Variants in CDC42BPA observed in about 807,000 individuals in gnomAD.
CDC42BPA encodes the protein serine/threonine-protein kinase MRCK alpha.
In CDC42BPA, 80 loss-of-function variants were observed where a neutral mutation model predicts 223.5. That is an observed-to-expected ratio of 0.36 (90% CI 0.30 to 0.43). The LOEUF (loss-of-function observed/expected upper bound fraction) is 0.43, where lower values mean the gene tolerates loss of function less well. Among genes scored for constraint, CDC42BPA ranks in the 20% least tolerant of loss-of-function variants. The probability of loss-of-function intolerance (pLI) is 1.00; values close to 1 mark genes in which losing one functional copy is unlikely to be tolerated. For missense variants in CDC42BPA, 1,743 were observed against 2,099.9 expected (o/e 0.83, Z 3.32); for synonymous variants, 694 against 718.6 (o/e 0.97, Z 0.55).
intron 2 of CDC42BPA, among the ~76,000 whole-genome samples, chr1:227,250,101 G>A (rs909287721): frequency 7.2e-5 from 11 of 152,074 alleles, no homozygotes; most frequent in Admixed American, 1.3e-4. Flanking sequence ...TTTCCATGAT[G>A]CAATTATTAA....
At chr1:227,253,973 CAAGT>C in intron 2 of CDC42BPA, 87 bp downstream of exon 2, 1 of 762,060 alleles carries the variant, frequency 1.3e-6, no homozygotes, top group South Asian at 1.5e-5. Context: ...TAACAAGTAA[CAAGT>C]AACAATACTT....
intron 21 of CDC42BPA, among the ~76,000 whole-genome samples, chr1:227,067,703 CTT>C (rs1558420200): frequency 6.6e-6 from 1 of 152,084 alleles, no homozygotes; most frequent in Non-Finnish European, 1.5e-5. Context: ...TTCAAAATCA[CTT>C]TTTTGTTCAA....
chr1:227,280,737 G>A (rs939653807), intron 1 of CDC42BPA, among the ~76,000 whole-genome samples: 7 of 152,092 alleles, frequency 4.6e-5, no homozygotes, highest in Admixed American at 1.3e-4. Context: ...TTGACTCTCC[G>A]GTATAAATGA....
At chr1:227,275,466 C>T (rs1686775835) in intron 1 of CDC42BPA, among the ~76,000 whole-genome samples, 1 of 151,798 alleles carries the variant, frequency 6.6e-6, no homozygotes, top group African/African-American at 2.4e-5. Flanking sequence ...ATTAAAACAA[C>T]TATTAAATAG....
chr1:227,094,001 A>T (rs1005245469), intron 15 of CDC42BPA, among the ~76,000 whole-genome samples: 1 of 152,168 alleles, frequency 6.6e-6, no homozygotes, highest in Admixed American at 6.5e-5. Flanking sequence ...GTTACATCAA[A>T]AAGGGAGGCC....
chr1:227,215,911 CCA>C (rs1674740796), intron 2 of CDC42BPA, among the ~76,000 whole-genome samples: 1 of 152,136 alleles, frequency 6.6e-6, no homozygotes, highest in Non-Finnish European at 1.5e-5. Context: ...ACAATATTCA[CCA>C]CAGTGTGGTT....
intron 5 of CDC42BPA, among the ~76,000 whole-genome samples, chr1:227,192,804 C>A (rs1669934133): frequency 6.9e-6 from 1 of 144,560 alleles, no homozygotes; most frequent in Non-Finnish European, 1.5e-5. Flanking sequence ...TTATCACTTT[C>A]ATACAAAAAA....
intron 14 of CDC42BPA, among the ~76,000 whole-genome samples, chr1:227,109,576 G>T (rs1686558572): frequency 6.6e-6 from 1 of 151,992 alleles, no homozygotes; most frequent in African/African-American, 2.4e-5. Context: ...ATGTTGGCCA[G>T]GCTGGTCTCA....
intron 2 of CDC42BPA, among the ~76,000 whole-genome samples, chr1:227,222,416 T>C (rs934355961): frequency 6.7e-6 from 1 of 149,652 alleles, no homozygotes; most frequent in Non-Finnish European, 1.5e-5. Context: ...TGAGGAAGGC[T>C]TGAACCCGGG....
In CDC42BPA at chr1:226,991,156, A is replaced by G. The variant is rs895187500; in HGVS notation, c.*3112T>C. ...ATGATTAGTCAGAATTTGAGGGTAG[A>G]TAACTTGGCTGGACATAGATAGCAC... On this transcript the variant is annotated 3_prime_UTR_variant, in exon 37 of 37. Transcript: ENST00000366766. 6.5e-6 allele frequency: 1 copy of G among 152,676 alleles called. No individual in the cohort carries two copies. The highest frequency in any genetic ancestry group is 2.4e-5 in the African/African-American group (1 of 41,464). The allele number at this position is 152,676 out of a possible 1,614,324, so 9.5% of individuals were successfully genotyped here. A position where few individuals can be genotyped will look rare whatever the true frequency, so the allele number is the denominator to read the frequency against.
Position 227,317,836 on chromosome 1 carries a change from T to C in CDC42BPA, c.-654A>G, listed in dbSNP as rs1378031174. Reference sequence around the variant, plus strand: ...CGCCAAGTCTTGCCCGGAGGCGGCTTTTCGTTTCTCCTCCCGAGGTCCTTC... The same window carrying C: ...CGCCAAGTCTTGCCCGGAGGCGGCTCTTCGTTTCTCCTCCCGAGGTCCTTC... On this transcript the variant is annotated 5_prime_UTR_variant, in exon 1 of 37. Transcript: ENST00000366766. The C allele has an allele frequency of 2.5e-6, 1 of 398,562 alleles. No homozygotes were observed. Among genetic ancestry groups the C allele is most frequent in the Non-Finnish European group, 4.4e-6 (1 of 226,086 alleles). The allele number at this position is 398,562 out of a possible 1,614,324, so 24.7% of individuals were successfully genotyped here.
Position 227,047,914 on chromosome 1 carries a change from C to G in CDC42BPA, c.3093+13G>C. On this transcript the variant is annotated intron_variant, in intron 23 of 36. Coordinates refer to ENST00000366766, the MANE Select transcript of CDC42BPA (RefSeq NM_001394014.1). The stretch of plus-strand genomic sequence containing the variant: ...TTTTTGGAACACACTATGCTTATAA[C>G]TAGATTGAGTACCTTAGGTGGAAAG... The G allele has an allele frequency of 6.5e-7, 1 of 1,531,500 alleles. No individual in the cohort carries two copies. The highest frequency in any genetic ancestry group is 9.0e-7 in the Non-Finnish European group (1 of 1,106,516). The allele number at this position is 1,531,500 out of a possible 1,614,324, so 94.9% of individuals were successfully genotyped here.
chr1:227,147,220 CTATT>C (rs1459875237), intron 7 of CDC42BPA, 135 bp downstream of exon 7: 3 of 552,946 alleles, frequency 5.4e-6, no homozygotes, highest in East Asian at 3.0e-5. Flanking sequence ...TGGATTTTGA[CTATT>C]TATGTTGTCC....
chr1:227,234,896 A>C (rs1678709401), intron 2 of CDC42BPA: 1 of 149,914 alleles, frequency 6.7e-6, no homozygotes, highest in Non-Finnish European at 1.5e-5. Flanking sequence ...TTCTTAAAAC[A>C]GTATGAGATT....
intron 17 of CDC42BPA, among the ~76,000 whole-genome samples, chr1:227,080,692 T>TA (rs1310303184): frequency 2.6e-5 from 4 of 152,184 alleles, no homozygotes; most frequent in Non-Finnish European, 5.9e-5. Context: ...GGACATTTGT[T>TA]AGAGTTAGGG....
chr1:227,041,800 G>A (rs1671431177), intron 23 of CDC42BPA, among the ~76,000 whole-genome samples: 1 of 152,086 alleles, frequency 6.6e-6, no homozygotes, highest in Non-Finnish European at 1.5e-5. Flanking sequence ...TTGACTCTAA[G>A]TAGAACACAG....
intron 21 of CDC42BPA, among the ~76,000 whole-genome samples, chr1:227,064,714 A>G (rs1438951645): frequency 1.3e-5 from 2 of 149,024 alleles, no homozygotes; most frequent in Non-Finnish European, 1.5e-5. Flanking sequence ...GGATCTTGGT[A>G]TCTCTGTTCT....
intron 4 of CDC42BPA, 128 bp downstream of exon 4, chr1:227,199,429 C>A: frequency 1.8e-6 from 1 of 557,376 alleles, no homozygotes; most frequent in Non-Finnish European, 3.1e-6. Context: ...ATCAAGTGAA[C>A]AACTTACCCT....
At chr1:227,209,743 G>C (rs950540915) in intron 3 of CDC42BPA, among the ~76,000 whole-genome samples, 1 of 149,002 alleles carries the variant, frequency 6.7e-6, no homozygotes, top group Admixed American at 6.7e-5. Context: ...TTGATGTGCT[G>C]CTGGATTTGT....
Sources: allele counts gnomAD v4.1 joint callset (sites outside exome capture counted in the v4.1 genomes callset), GRCh38; gene constraint gnomAD v4.1.1; transcripts MANE v1.5; gene names NCBI Gene and HGNC (gene_info 2026-07-23, HGNC 2026-07-21).